The following GRID2 variants were observed in gnomAD, a reference collection of about 807,000 sequenced individuals.
GRID2 encodes glutamate ionotropic receptor delta type subunit 2.
In GRID2, 33 loss-of-function variants were observed where a neutral mutation model predicts 114.8. That is an observed-to-expected ratio of 0.29 (90% confidence interval 0.22 to 0.38). The LOEUF (loss-of-function observed/expected upper bound fraction) is 0.38. Among genes scored for constraint, GRID2 ranks in the 10% least tolerant of loss-of-function variants. The probability of loss-of-function intolerance (pLI) is 1.00; values close to 1 mark genes in which losing one functional copy is unlikely to be tolerated. For missense variants in GRID2, 1,184 were observed against 1,257.7 expected, an observed-to-expected ratio of 0.94 and a Z score of 0.89; for synonymous variants, 505 against 449.9, an observed-to-expected ratio of 1.12 and a Z score of -1.55.
chr4:92,618,338 T>C (rs1166097339), intron 2 of GRID2, among the ~76,000 whole-genome samples: 1 of 151,766 alleles, frequency 6.6e-6, no homozygotes, highest in East Asian at 1.9e-4. Flanking sequence ...GATTAATTTC[T>C]GGGTTCTCTT....
At chr4:93,070,445 G>T in intron 2 of GRID2, among the ~76,000 whole-genome samples, 1 of 152,010 alleles carries the variant, frequency 6.6e-6, no homozygotes, top group Non-Finnish European at 1.5e-5. Context: ...TCCTGGCAGA[G>T]AATAAATCCA....
intron 1 of GRID2, among the ~76,000 whole-genome samples, chr4:93,805,550 A>T (rs1294177314): frequency 6.6e-6 from 1 of 152,236 alleles, no homozygotes. Context: ...AGAAACACTC[A>T]GTCTTCTCTA....
chr4:93,506,194 CCTGTGACCATCTGA>C (rs1380818961), intron 12 of GRID2, among the ~76,000 whole-genome samples: 1 of 152,144 alleles, frequency 6.6e-6, no homozygotes. Context: ...TACAATTTTA[CCTGTGACCATCTGA>C]CTGTACCACA....
chr4:92,349,160 G>A (rs1198194477), intron 1 of GRID2, among the ~76,000 whole-genome samples: 1 of 151,900 alleles, frequency 6.6e-6, no homozygotes, highest in Non-Finnish European at 1.5e-5. Flanking sequence ...TTAATCTGAA[G>A]TATATTTCAA....
At chr4:92,579,490 C>G (rs34822999) in intron 1 of GRID2, among the ~76,000 whole-genome samples, 40,548 of 151,814 alleles carry the variant, frequency 0.27, 5,576 homozygotes, top group Middle Eastern at 0.37. Context: ...ATTCCAAAAG[C>G]AGAATATTTT....
intron 2 of GRID2, among the ~76,000 whole-genome samples, chr4:93,054,270 G>A (rs1010529886): frequency 2.0e-5 from 3 of 151,538 alleles, no homozygotes; most frequent in African/African-American, 7.3e-5. Flanking sequence ...CAAAAATTAA[G>A]ATATGTTAAA....
At chr4:92,408,779 G>C (rs1322099360) in intron 1 of GRID2, among the ~76,000 whole-genome samples, 3 of 151,882 alleles carry the variant, frequency 2.0e-5, no homozygotes, top group Non-Finnish European at 4.4e-5. Context: ...TTCTCAGCTA[G>C]AACGTTATTG....
chr4:92,809,410 T>A (rs2149377790), intron 2 of GRID2, among the ~76,000 whole-genome samples: 1 of 152,118 alleles, frequency 6.6e-6, no homozygotes, highest in Admixed American at 6.6e-5. Context: ...TTGACCCAAA[T>A]GTCATTTTAG....
At chr4:92,977,069 G>A (rs1010528702) in intron 2 of GRID2, among the ~76,000 whole-genome samples, 2 of 152,080 alleles carry the variant, frequency 1.3e-5, no homozygotes, top group African/African-American at 2.4e-5. Flanking sequence ...TTTATAGAAA[G>A]TAATATGTAT....
At chr4:92,620,250 TG>T (rs1487234046) in intron 2 of GRID2, among the ~76,000 whole-genome samples, 1 of 151,764 alleles carries the variant, frequency 6.6e-6, no homozygotes, top group Non-Finnish European at 1.5e-5. Flanking sequence ...GATTTATAGA[TG>T]TGCTTCAGGG....
At chr4:93,517,375 A>T (rs1729836928) in intron 13 of GRID2, among the ~76,000 whole-genome samples, 1 of 152,122 alleles carries the variant, frequency 6.6e-6, no homozygotes, top group South Asian at 2.1e-4. Flanking sequence ...AGGGCTAATG[A>T]GTTCGAAACT....
chr4:93,618,750 G>A (rs1741942786), intron 13 of GRID2, among the ~76,000 whole-genome samples: 1 of 152,154 alleles, frequency 6.6e-6, no homozygotes, highest in Non-Finnish European at 1.5e-5. Context: ...GGTTGCACTT[G>A]TTTTCGCAGA....
chr4:93,656,463 A>T (rs1723000370), intron 14 of GRID2, among the ~76,000 whole-genome samples: 1 of 152,110 alleles, frequency 6.6e-6, no homozygotes, highest in Non-Finnish European at 1.5e-5. Flanking sequence ...GCTTAGATCT[A>T]CTACAGATGA....
chr4:93,199,867 A>G (rs939258651), intron 4 of GRID2, among the ~76,000 whole-genome samples: 5 of 152,224 alleles, frequency 3.3e-5, no homozygotes, highest in African/African-American at 4.8e-5. Flanking sequence ...TTTAATGAGA[A>G]AAACAGCAAC....
chr4:93,054,226 G>A (rs1199217180), intron 2 of GRID2, among the ~76,000 whole-genome samples: 1 of 151,520 alleles, frequency 6.6e-6, no homozygotes, highest in Non-Finnish European at 1.5e-5. Flanking sequence ...TTAAAACTAT[G>A]AAAAAAATTT....
intron 8 of GRID2, among the ~76,000 whole-genome samples, chr4:93,330,230 G>C (rs918514357): frequency 6.6e-6 from 1 of 152,032 alleles, no homozygotes; most frequent in African/African-American, 2.4e-5. Flanking sequence ...TCTGTTTAAG[G>C]GGAGGTTCAC....
chr4:93,055,169 C>T (rs1039958511), intron 2 of GRID2, among the ~76,000 whole-genome samples: 2 of 151,584 alleles, frequency 1.3e-5, no homozygotes, highest in African/African-American at 4.8e-5. Context: ...TCTTTTGTTC[C>T]TCTTTTTCAA....
intron 11 of GRID2, among the ~76,000 whole-genome samples, chr4:93,462,192 G>A (rs753386753): frequency 6.6e-5 from 10 of 152,116 alleles, no homozygotes; most frequent in Non-Finnish European, 1.5e-4. Context: ...AATATTTCAC[G>A]AGTATACTAT....
intron 1 of GRID2, among the ~76,000 whole-genome samples, chr4:92,356,261 G>A (rs1019340227): frequency 6.6e-6 from 1 of 151,358 alleles, no homozygotes; most frequent in Admixed American, 6.6e-5. Context: ...TATTGTATTT[G>A]ATGCAAAATT....
Sources: allele counts gnomAD v4.1 joint callset (sites outside exome capture counted in the v4.1 genomes callset), GRCh38; gene constraint gnomAD v4.1.1; transcripts MANE v1.5; gene names NCBI Gene and HGNC (gene_info 2026-07-23, HGNC 2026-07-21).